Variants in PTPRD observed in about 807,000 individuals in gnomAD.
The protein encoded by PTPRD is receptor-type tyrosine-protein phosphatase delta.
Under a neutral mutation model 214.5 loss-of-function variants are expected in PTPRD, and 34 were observed. That is an observed-to-expected ratio of 0.16 (90% CI 0.12 to 0.21). The LOEUF (loss-of-function observed/expected upper bound fraction) is 0.21, where lower values mean the gene tolerates loss of function less well. Ranked by LOEUF, PTPRD falls within the 10% of genes least tolerant of loss-of-function variation. The pLI is 1.00. For missense variants in PTPRD, 2,545 were observed against 2,398.7 expected (o/e 1.06, Z -1.27); for synonymous variants, 1,128 against 845.7 (o/e 1.33, Z -5.79).
At chr9:10,380,180 GA>G (rs1330197931) in intron 2 of PTPRD, among the ~76,000 whole-genome samples, 2 of 151,994 alleles carry the variant, frequency 1.3e-5, no homozygotes, top group Admixed American at 6.6e-5. Flanking sequence ...AACGTTCAAA[GA>G]GAACCAAAAA....
intron 30 of PTPRD, among the ~76,000 whole-genome samples, chr9:8,472,894 G>C (rs1238322523): frequency 6.6e-6 from 1 of 152,052 alleles, no homozygotes. Flanking sequence ...CTTTGGCTTA[G>C]ACCCCAGAAT....
At chr9:10,483,773 C>T (rs1199330899) in intron 2 of PTPRD, among the ~76,000 whole-genome samples, 2 of 152,038 alleles carry the variant, frequency 1.3e-5, no homozygotes, top group Admixed American at 1.3e-4. Context: ...AGTCAAAAAA[C>T]AATAGATGTT....
At chr9:9,275,162 TAA>T (rs1944903952) in intron 9 of PTPRD, among the ~76,000 whole-genome samples, 3 of 51,388 alleles carry the variant, frequency 5.8e-5, no homozygotes, top group Non-Finnish European at 9.4e-5. Flanking sequence ...ATTATATATA[TAA>T]CATATATATA....
At chr9:8,586,102 C>G (rs139409698) in intron 14 of PTPRD, among the ~76,000 whole-genome samples, 4 of 152,270 alleles carry the variant, frequency 2.6e-5, no homozygotes, top group African/African-American at 4.8e-5. Context: ...GAGATAGAGA[C>G]CAGCCTGGCC....
chr9:9,175,974 T>C (rs1254083934), intron 10 of PTPRD, among the ~76,000 whole-genome samples: 1 of 152,168 alleles, frequency 6.6e-6, no homozygotes, highest in African/African-American at 2.4e-5. Context: ...ACTCAACTTC[T>C]AGGTAATCTT....
At chr9:9,740,770 A>G (rs1041764120) in intron 6 of PTPRD, among the ~76,000 whole-genome samples, 1 of 152,256 alleles carries the variant, frequency 6.6e-6, no homozygotes. Context: ...TTTAGTGGAA[A>G]GTATTACATG....
At chr9:10,115,072 T>C (rs1349090873) in intron 3 of PTPRD, among the ~76,000 whole-genome samples, 3 of 151,652 alleles carry the variant, frequency 2.0e-5, no homozygotes, top group Admixed American at 1.3e-4. Context: ...AAGTGCTATC[T>C]CTCACAGCCT....
At chr9:8,613,689 A>T (rs2095522831) in intron 14 of PTPRD, among the ~76,000 whole-genome samples, 1 of 152,038 alleles carries the variant, frequency 6.6e-6, no homozygotes, top group Non-Finnish European at 1.5e-5. Flanking sequence ...CAATCCAAAA[A>T]TCTGCCACTC....
intron 9 of PTPRD, among the ~76,000 whole-genome samples, chr9:9,230,217 G>A (rs894194951): frequency 4.6e-5 from 7 of 152,028 alleles, no homozygotes; most frequent in Non-Finnish European, 1.0e-4. Context: ...AGAATGGGGC[G>A]GTTCGACAGA....
At chr9:10,275,572 G>A (rs1450933480) in intron 3 of PTPRD, among the ~76,000 whole-genome samples, 1 of 151,954 alleles carries the variant, frequency 6.6e-6, no homozygotes, top group Non-Finnish European at 1.5e-5. Context: ...GTATCATTTT[G>A]GGGAAATGAA....
chr9:9,439,746 G>A (rs763421482), intron 8 of PTPRD, among the ~76,000 whole-genome samples: 6 of 152,152 alleles, frequency 3.9e-5, no homozygotes, highest in Non-Finnish European at 7.3e-5. Context: ...CTGTGAAGAC[G>A]AAGAGCATTA....
Position 10,380,827 on chromosome 9 carries a change from C to T in PTPRD, c.-599-39810G>A, listed in dbSNP as rs557013922. ...TAGTTTGATACCTAGATATTCTGTGCCATGTATATTTGAGTTCAATTGTGA... is the reference window on the plus strand; with the variant it reads ...TAGTTTGATACCTAGATATTCTGTGTCATGTATATTTGAGTTCAATTGTGA... On this transcript the variant is annotated intron_variant, in intron 2 of 45. Coordinates refer to ENST00000381196, the MANE Select transcript of PTPRD (RefSeq NM_002839.4). Among the ~76,000 whole-genome samples, 9 of 152,054 alleles carry T rather than the reference C, an allele frequency of 5.9e-5. No homozygotes were observed. The East Asian group carries it at 1.7e-3, about 30-fold the overall frequency.
intron 12 of PTPRD, among the ~76,000 whole-genome samples, chr9:8,682,632 C>G (rs1355453669): frequency 1.3e-5 from 2 of 152,124 alleles, no homozygotes; most frequent in African/African-American, 4.8e-5. Flanking sequence ...AAAATGTTAT[C>G]CTAGTGTAGC....
Position 8,690,041 on chromosome 9 carries a change from G to C in PTPRD, c.64+43739C>G, listed in dbSNP as rs186737899. Reference sequence around the variant, plus strand: ...GAGAATTGCTTAAGCCCAGGAGGGGGAGGTTGCAGTAAGCCAAGATTGTAC... The same window carrying C: ...GAGAATTGCTTAAGCCCAGGAGGGGCAGGTTGCAGTAAGCCAAGATTGTAC... On this transcript the variant is annotated intron_variant, in intron 12 of 45. Coordinates refer to ENST00000381196, the MANE Select transcript of PTPRD (RefSeq NM_002839.4). Among the ~76,000 whole-genome samples, 107 of 151,532 alleles carry C rather than the reference G, an allele frequency of 7.1e-4. 1 individual carries two copies. The highest frequency in any genetic ancestry group is 2.5e-3 in the African/African-American group (105 of 41,272).
chr9:8,600,529 G>A (rs879313693), intron 14 of PTPRD, among the ~76,000 whole-genome samples: 2 of 151,596 alleles, frequency 1.3e-5, no homozygotes, highest in Admixed American at 6.6e-5. Flanking sequence ...GAATAGAAGA[G>A]GAAAGAGTAA....
At chr9:10,054,973 G>A (rs778651971) in intron 3 of PTPRD, among the ~76,000 whole-genome samples, 2 of 151,030 alleles carry the variant, frequency 1.3e-5, no homozygotes, top group Non-Finnish European at 3.0e-5. Flanking sequence ...TGGGATTCGT[G>A]TCCATATTAA....
At chr9:8,443,081 G>C (rs2095601623) in intron 34 of PTPRD, among the ~76,000 whole-genome samples, 1 of 152,156 alleles carries the variant, frequency 6.6e-6, no homozygotes, top group Non-Finnish European at 1.5e-5. Context: ...GAATGTTGAG[G>C]CTACAGTAAG....
At chr9:10,586,426 T>C (rs890881434) in intron 2 of PTPRD, among the ~76,000 whole-genome samples, 5 of 151,884 alleles carry the variant, frequency 3.3e-5, no homozygotes, top group Admixed American at 3.3e-4. Flanking sequence ...AAAAGAGCAA[T>C]CATGAGAACG....
intron 5 of PTPRD, among the ~76,000 whole-genome samples, chr9:9,914,929 G>T (rs1348280391): frequency 6.6e-6 from 1 of 152,174 alleles, no homozygotes; most frequent in Non-Finnish European, 1.5e-5. Flanking sequence ...GCATGCCCAT[G>T]CTCCTAGCCA....
Sources: allele counts gnomAD v4.1 joint callset (sites outside exome capture counted in the v4.1 genomes callset), GRCh38; gene constraint gnomAD v4.1.1; transcripts MANE v1.5; gene names NCBI Gene and HGNC (gene_info 2026-07-23, HGNC 2026-07-21).